The following CCDC191 variants were observed in gnomAD, a reference collection of about 807,000 sequenced individuals.
CCDC191 encodes the protein coiled-coil domain containing 191, also known as coiled-coil domain-containing protein 191.
A neutral mutation model predicts 114.0 loss-of-function variants in CCDC191; 99 were observed. That is an observed-to-expected ratio of 0.87 (90% confidence interval 0.74 to 1.03). CCDC191 has a LOEUF of 1.03. Ranked by LOEUF, CCDC191 falls within the 50% of genes least tolerant of loss-of-function variation. CCDC191 has a pLI of 0.00. For synonymous variants in CCDC191, 351 were observed against 376.0 expected, an observed-to-expected ratio of 0.93 and a Z score of 0.77; for missense variants, 973 against 1,087.0, an observed-to-expected ratio of 0.90 and a Z score of 1.47.
At chr3:114,022,995 AG>A (rs1398692827) in intron 7 of CCDC191, among the ~76,000 whole-genome samples, 1 of 152,236 alleles carries the variant, frequency 6.6e-6, no homozygotes, top group African/African-American at 2.4e-5. Context: ...TAAGCTGATA[AG>A]CAACTTCAGC....
rs538874391 is a variant in CCDC191, at chr3:114,016,503, T to A, written c.1163+2175A>T. On this transcript the variant is annotated intron_variant, in intron 8 of 16. Transcript: ENST00000295878. ...TCAGATGATCCTTGAGGTGCCTTCC[T>A]GCTCTGGGATTTTTTTTGCTCTAAA... is the stretch of plus-strand genomic sequence containing the variant. Among the ~76,000 whole-genome samples, 15 of 152,350 alleles carry A rather than the reference T, an allele frequency of 9.8e-5. No individual in the cohort carries two copies. The East Asian group carries it at 2.9e-3, about 29-fold the overall frequency.
At chr3:114,021,209 C>T (rs1427073231) in intron 7 of CCDC191, among the ~76,000 whole-genome samples, 1 of 152,064 alleles carries the variant, frequency 6.6e-6, no homozygotes, top group African/African-American at 2.4e-5. Flanking sequence ...TGGTTAGGAA[C>T]ATATCTGAAT....
At chr3:113,978,078 GCT>G in intron 16 of CCDC191, 106 bp downstream of exon 16, 1 of 1,266,992 alleles carries the variant, frequency 7.9e-7, no homozygotes, top group Admixed American at 1.9e-5. Flanking sequence ...GTGTTTCCCC[GCT>G]CTCCTAGCCT....
rs372907622 is a variant in CCDC191 at position 114,036,756 on chromosome 3, T to C, written c.446A>G (p.Glu149Gly). The C allele has an allele frequency of 7.0e-6, 11 of 1,567,652 alleles. No homozygotes were observed. In the African/African-American group the frequency reaches 1.1e-4, roughly 16 times the overall value. The change falls in exon 5 of 17, where the codon GAA (glutamate) becomes GGA (glycine). Residue 149 changes from glutamate (E) to glycine (G), a missense_variant. By Grantham distance (98) the Glu-to-Gly change is moderately conservative (BLOSUM62 -2). Coordinates refer to ENST00000295878, the MANE Select transcript of CCDC191 (RefSeq NM_020817.2). ...TATAAATTTTTGAACGGTGGTACTT[T>C]CCTCTTCTTCCTCCAAATAGCCACA... ...DLCGYLEEEE[E>G]STTVQKFIDH...
At chr3:114,048,274 C>T (rs930845436) in intron 2 of CCDC191, among the ~76,000 whole-genome samples, 1 of 152,170 alleles carries the variant, frequency 6.6e-6, no homozygotes, top group African/African-American at 2.4e-5. Flanking sequence ...GACAGGTTTT[C>T]TGGAATAGCC....
chr3:114,052,309 C>G (rs934243454), intron 2 of CCDC191, among the ~76,000 whole-genome samples: 9 of 152,082 alleles, frequency 5.9e-5, no homozygotes, highest in African/African-American at 1.9e-4. Context: ...GACAATGTCA[C>G]AGACAAATCA....
intron 13 of CCDC191, among the ~76,000 whole-genome samples, chr3:113,994,579 TC>T (rs1193169774): frequency 1.2e-3 from 158 of 133,746 alleles, no homozygotes; most frequent in African/African-American, 3.6e-3. Flanking sequence ...AAAACTAAAT[TC>T]TTTTTTTTTT....
At chr3:114,015,721 G>A (rs1345040315) in intron 8 of CCDC191, among the ~76,000 whole-genome samples, 1 of 152,170 alleles carries the variant, frequency 6.6e-6, no homozygotes, top group Non-Finnish European at 1.5e-5. Context: ...AATCCTCAGG[G>A]TTTGGAAATA....
At chr3:114,029,072 T>C (rs560277799) in intron 7 of CCDC191, among the ~76,000 whole-genome samples, 1 of 152,148 alleles carries the variant, frequency 6.6e-6, no homozygotes, top group Non-Finnish European at 1.5e-5. Flanking sequence ...TAGATCTTAG[T>C]TTCCAAAGAC....
At chr3:113,971,484 T>G (rs1170582044) in intron 16 of CCDC191, among the ~76,000 whole-genome samples, 1 of 152,256 alleles carries the variant, frequency 6.6e-6, no homozygotes, top group African/African-American at 2.4e-5. Flanking sequence ...TCATGTTTAT[T>G]GATTTGCATA....
chr3:114,036,543 T>G, intron 5 of CCDC191, 65 bp downstream of exon 5: 1 of 1,158,712 alleles, frequency 8.6e-7, no homozygotes, highest in South Asian at 2.2e-5. Flanking sequence ...TTATTTAAGC[T>G]TATTAAATGT....
At chr3:113,978,460 A>C (rs2075014952) in intron 15 of CCDC191, 129 bp from the exon 16 acceptor site, 5 of 953,402 alleles carry the variant, frequency 5.2e-6, no homozygotes, top group Non-Finnish European at 7.7e-6. Context: ...TACAAAGAAA[A>C]GGATAACCTG....
intron 6 of CCDC191, 48 bp downstream of exon 6, chr3:114,034,877 T>C (rs528402502): frequency 6.6e-7 from 1 of 1,523,452 alleles, no homozygotes; most frequent in Admixed American, 1.9e-5. Context: ...ATTTCTAAAA[T>C]GACTGCTTAA....
intron 1 of CCDC191, 112 bp downstream of exon 1, chr3:114,056,265 C>G: frequency 2.0e-6 from 2 of 979,056 alleles, no homozygotes; most frequent in Non-Finnish European, 3.2e-6. Context: ...AAGGCAGGGG[C>G]GTGTCAGCTC....
chr3:113,990,213 A>G (rs2075510008), intron 13 of CCDC191, among the ~76,000 whole-genome samples: 1 of 152,186 alleles, frequency 6.6e-6, no homozygotes, highest in African/African-American at 2.4e-5. Flanking sequence ...CAGGTAAACC[A>G]GAAGAGAAGA....
At chr3:114,001,198 GAAC>G (rs2075849118) in intron 13 of CCDC191, among the ~76,000 whole-genome samples, 1 of 152,088 alleles carries the variant, frequency 6.6e-6, no homozygotes, top group South Asian at 2.1e-4. Context: ...ATACAATAGT[GAAC>G]AACATCAGAC....
At position 114,005,863 on chromosome 3, in the gene CCDC191, C is replaced by A; in HGVS notation, c.1513G>T (p.Gly505Cys). The change falls in exon 10 of 17, where the codon GGT becomes TGT. Residue 505 changes from glycine to cysteine, a missense_variant. By Grantham distance (159) the Gly-to-Cys change is radical. Transcript: ENST00000295878. Reference sequence around the variant, plus strand: ...CTCAGAGAGACATTCTGAAGGGAACCCTGCAAGTTGCCTGTTGTTGTTCTT... The same window carrying A: ...CTCAGAGAGACATTCTGAAGGGAACACTGCAAGTTGCCTGTTGTTGTTCTT... The part of the protein sequence containing the change: ...LGRTTTGNLQ[G>C]SLQNVSLSAP... 1 of 1,614,010 alleles carries A rather than the reference C, an allele frequency of 6.2e-7. No individual in the cohort carries two copies. The highest frequency in any genetic ancestry group is 8.5e-7 in the Non-Finnish European group (1 of 1,179,974).
At chr3:114,040,738 G>A (rs1315137581) in intron 4 of CCDC191, among the ~76,000 whole-genome samples, 3 of 151,872 alleles carry the variant, frequency 2.0e-5, no homozygotes, top group Admixed American at 1.3e-4. Flanking sequence ...GCCAATCTCT[G>A]CATTTGGACT....
chr3:113,970,364 C>T (rs1463586697), intron 16 of CCDC191, among the ~76,000 whole-genome samples: 1 of 152,030 alleles, frequency 6.6e-6, no homozygotes, highest in Admixed American at 6.6e-5. Context: ...GTTTCTCTGT[C>T]ACCCAGGCTG....
Sources: allele counts gnomAD v4.1 joint callset (sites outside exome capture counted in the v4.1 genomes callset), GRCh38; gene constraint gnomAD v4.1.1; transcripts MANE v1.5; gene names NCBI Gene and HGNC (gene_info 2026-07-23, HGNC 2026-07-21).